DAB1: variants seen among roughly 807,000 people sequenced by gnomAD.
The protein encoded by DAB1 is DAB adaptor protein 1.
Under a neutral mutation model 64.6 loss-of-function variants are expected in DAB1, and 15 were observed. The observed-to-expected ratio is 0.23, with a 90% CI of 0.16 to 0.36. The LOEUF (loss-of-function observed/expected upper bound fraction) is 0.36. Among genes scored for constraint, DAB1 ranks in the 10% least tolerant of loss-of-function variants. DAB1 has a pLI of 1.00. For synonymous variants in DAB1, 235 were observed against 251.9 expected (o/e 0.93, Z 0.64); for missense variants, 596 against 706.7 (o/e 0.84, Z 1.78).
At chr1:58,444,706 G>C (rs1282229451) in intron 3 of DAB1, among the ~76,000 whole-genome samples, 1 of 152,184 alleles carries the variant, frequency 6.6e-6, no homozygotes, top group African/African-American at 2.4e-5. Flanking sequence ...TCATGCCTGA[G>C]ATCAAAGGTT....
intron 3 of DAB1, among the ~76,000 whole-genome samples, chr1:58,416,045 T>A (rs964716326): frequency 6.6e-6 from 1 of 152,214 alleles, no homozygotes; most frequent in Non-Finnish European, 1.5e-5. Context: ...TTTTTGCCCA[T>A]ATCCCCTCAG....
intron 5 of DAB1, among the ~76,000 whole-genome samples, chr1:58,018,499 A>G (rs1471916558): frequency 2.0e-5 from 3 of 152,132 alleles, no homozygotes; most frequent in African/African-American, 7.2e-5. Flanking sequence ...AAGGATGTCT[A>G]TTTCAACCAA....
chr1:57,304,263 C>T (rs1398486887), intron 1 of DAB1, among the ~76,000 whole-genome samples: 2 of 152,106 alleles, frequency 1.3e-5, no homozygotes, highest in Admixed American at 6.5e-5. Flanking sequence ...AACTCACTCA[C>T]TATTGTGAAG....
intron 4 of DAB1, among the ~76,000 whole-genome samples, chr1:58,221,815 C>T (rs1007509794): frequency 2.4e-4 from 36 of 152,166 alleles, no homozygotes; most frequent in Non-Finnish European, 1.0e-4. Flanking sequence ...CTCTCTGGGT[C>T]TTATAGCATC....
intron 3 of DAB1, among the ~76,000 whole-genome samples, chr1:58,467,483 T>C (rs987738053): frequency 6.6e-6 from 1 of 152,226 alleles, no homozygotes. Flanking sequence ...GCTACTGTCA[T>C]AGCCACTGGG....
intron 2 of DAB1, among the ~76,000 whole-genome samples, chr1:57,241,887 C>T (rs1211171115): frequency 3.9e-5 from 6 of 152,114 alleles, no homozygotes; most frequent in Admixed American, 2.6e-4. Context: ...CATTCTAATG[C>T]CAGCTAAGCT....
At chr1:57,683,452 T>C (rs897735557) in intron 6 of DAB1, among the ~76,000 whole-genome samples, 12 of 152,176 alleles carry the variant, frequency 7.9e-5, no homozygotes. Flanking sequence ...GCCATGTGGC[T>C]GAATAAGACC....
chr1:57,354,717 G>A (rs1678919619), intron 1 of DAB1, among the ~76,000 whole-genome samples: 2 of 152,056 alleles, frequency 1.3e-5, no homozygotes, highest in Non-Finnish European at 2.9e-5. Flanking sequence ...TAGATGAAGG[G>A]AACCCTGAGC....
At chr1:58,169,881 T>C (rs1656068904) in intron 4 of DAB1, among the ~76,000 whole-genome samples, 1 of 152,174 alleles carries the variant, frequency 6.6e-6, no homozygotes, top group African/African-American at 2.4e-5. Flanking sequence ...CCCAGGTACA[T>C]GTCCCCTTCT....
intron 5 of DAB1, among the ~76,000 whole-genome samples, chr1:57,948,298 G>A (rs1645214100): frequency 6.6e-6 from 1 of 152,170 alleles, no homozygotes; most frequent in African/African-American, 2.4e-5. Flanking sequence ...AAGTCTAAAT[G>A]TTAACATTGG....
intron 5 of DAB1, among the ~76,000 whole-genome samples, chr1:57,954,263 T>C (rs1374276574): frequency 6.6e-6 from 1 of 152,174 alleles, no homozygotes; most frequent in Non-Finnish European, 1.5e-5. Context: ...CTCTCTTCCA[T>C]GATCCAAAGC....
intron 3 of DAB1, among the ~76,000 whole-genome samples, chr1:57,143,832 T>C (rs1365803833): frequency 6.6e-6 from 1 of 151,934 alleles, no homozygotes; most frequent in Non-Finnish European, 1.5e-5. Flanking sequence ...CAAGCTTTTT[T>C]TTTTCCTTTT....
intron 2 of DAB1, among the ~76,000 whole-genome samples, chr1:57,155,830 T>C (rs1660167443): frequency 6.6e-6 from 1 of 151,872 alleles, no homozygotes; most frequent in Non-Finnish European, 1.5e-5. Flanking sequence ...GATTGTTCAC[T>C]ATTAGCATAT....
At chr1:58,511,942 A>T (rs1344095758) in intron 2 of DAB1, among the ~76,000 whole-genome samples, 2 of 152,190 alleles carry the variant, frequency 1.3e-5, no homozygotes, top group Non-Finnish European at 1.5e-5. Flanking sequence ...AAAGCTCTGC[A>T]CAGCTAAGGA....
chr1:57,014,670 G>A (rs952800677), intron 12 of DAB1, among the ~76,000 whole-genome samples: 4 of 152,112 alleles, frequency 2.6e-5, no homozygotes, highest in African/African-American at 4.8e-5. Context: ...ATTATTATAA[G>A]TCTAAAAATA....
At chr1:58,537,296 C>A (rs1646533397) in intron 1 of DAB1, among the ~76,000 whole-genome samples, 1 of 152,128 alleles carries the variant, frequency 6.6e-6, no homozygotes, top group Admixed American at 6.5e-5. Flanking sequence ...TAAATCTATA[C>A]CTGGAACCAC....
chr1:58,408,987 T>C lies in DAB1; in HGVS notation n.258-65584A>G, dbSNP rs1644642615. Among the ~76,000 whole-genome samples the C allele has an allele frequency of 3.3e-5, 5 of 152,298 alleles. No individual in the cohort carries two copies. In the South Asian group the frequency reaches 1.0e-3, roughly 32 times the overall value. On this transcript the variant is annotated intron_variant and non_coding_transcript_variant, in intron 3 of 20. Coordinates refer to the DAB1 transcript ENST00000485760. Reference sequence around the variant, plus strand: ...GATACAAATCCTGTCTTCAGGAAACTTGAGGTTTAAGTCAAAGGTAAGACT... The same window carrying C: ...GATACAAATCCTGTCTTCAGGAAACCTGAGGTTTAAGTCAAAGGTAAGACT...
intron 2 of DAB1, among the ~76,000 whole-genome samples, chr1:57,204,012 C>G (rs1028980911): frequency 6.6e-6 from 1 of 152,140 alleles, no homozygotes; most frequent in Admixed American, 6.5e-5. Flanking sequence ...GCCTCAGCCT[C>G]CCATGTAGCT....
intron 2 of DAB1, among the ~76,000 whole-genome samples, chr1:57,214,650 C>A (rs1342654671): frequency 6.6e-6 from 1 of 152,140 alleles, no homozygotes. Context: ...GTGGCTCACA[C>A]CTGTAATCCC....
Sources: allele counts gnomAD v4.1 joint callset (sites outside exome capture counted in the v4.1 genomes callset), GRCh38; gene constraint gnomAD v4.1.1; transcripts MANE v1.5; gene names NCBI Gene and HGNC (gene_info 2026-07-23, HGNC 2026-07-21).